THSD4: variants seen among roughly 807,000 people sequenced by gnomAD.
The protein encoded by THSD4 is thrombospondin type-1 domain-containing protein 4.
THSD4 carries 69 observed loss-of-function variants against 119.0 expected under a neutral mutation model. The observed-to-expected ratio is 0.58, with a 90% CI of 0.48 to 0.71. THSD4 has a LOEUF of 0.71. Among genes scored for constraint, THSD4 ranks in the 30% least tolerant of loss-of-function variants. THSD4 has a pLI of 0.00. For synonymous variants in THSD4, 524 were observed against 540.4 expected (o/e 0.97, Z 0.42); for missense variants, 1,393 against 1,391.1 (o/e 1.00, Z -0.02).
chr15:71,363,438 CGT>C (rs2045919938), intron 6 of THSD4, among the ~76,000 whole-genome samples: 1 of 152,010 alleles, frequency 6.6e-6, no homozygotes. Flanking sequence ...TGTGTGTACG[CGT>C]GTGTGTGTTT....
At chr15:71,492,598 T>C (rs534242439) in intron 7 of THSD4, among the ~76,000 whole-genome samples, 5 of 152,228 alleles carry the variant, frequency 3.3e-5, no homozygotes, top group African/African-American at 1.2e-4. Context: ...CCATGAAGCA[T>C]ATTTGTAAGA....
At chr15:71,398,322 G>A (rs942806790) in intron 6 of THSD4, among the ~76,000 whole-genome samples, 1 of 152,140 alleles carries the variant, frequency 6.6e-6, no homozygotes, top group African/African-American at 2.4e-5. Context: ...TGGTGGGAAA[G>A]GAGGAGTATA....
At chr15:71,231,768 G>A (rs553227981) in intron 4 of THSD4, among the ~76,000 whole-genome samples, 2 of 152,204 alleles carry the variant, frequency 1.3e-5, no homozygotes, top group East Asian at 1.9e-4. Context: ...GGAAGCTTTC[G>A]TTTTCATCTT....
At chr15:71,375,344 G>A (rs1333152465) in intron 6 of THSD4, among the ~76,000 whole-genome samples, 1 of 152,136 alleles carries the variant, frequency 6.6e-6, no homozygotes, top group Admixed American at 6.5e-5. Context: ...CCTCATTGGT[G>A]CTTTCCTCTG....
intron 7 of THSD4, among the ~76,000 whole-genome samples, chr15:71,439,035 G>A (rs1172146803): frequency 6.6e-6 from 1 of 152,240 alleles, no homozygotes; most frequent in East Asian, 1.9e-4. Context: ...GGACAGTTGA[G>A]GGAAAGTATT....
At chr15:71,114,648 G>T (rs1779655238), upstream of THSD4, among the ~76,000 whole-genome samples, 1 of 152,110 alleles carries the variant, frequency 6.6e-6, no homozygotes, top group Admixed American at 6.5e-5. Context: ...GCGTCACTTT[G>T]GTCATGCCCT....
intron 7 of THSD4, among the ~76,000 whole-genome samples, chr15:71,414,602 A>G (rs1397059809): frequency 6.6e-6 from 1 of 152,252 alleles, no homozygotes; most frequent in Non-Finnish European, 1.5e-5. Flanking sequence ...CTCGGAAGGA[A>G]TATGAAATGT....
rs1596358856 is a variant in THSD4 at position 71,351,704 on chromosome 15, C to T, written c.1016-59983C>T. Among the ~76,000 whole-genome samples the T allele has an allele frequency of 2.0e-5, 3 of 152,186 alleles. No homozygotes were observed. In the South Asian group the frequency reaches 6.2e-4, roughly 32 times the overall value. On this transcript the variant is annotated intron_variant, in intron 6 of 17. Coordinates refer to ENST00000261862, the MANE Select transcript of THSD4 (RefSeq NM_024817.3). ...GTCACCAGTGAGTGGAGATGGTGTT[C>T]GCGTGGCCTCTCTGCTGGGCTGGTG...
intron 6 of THSD4, among the ~76,000 whole-genome samples, chr15:71,272,067 A>T (rs2044536964): frequency 6.6e-6 from 1 of 152,200 alleles, no homozygotes; most frequent in African/African-American, 2.4e-5. Flanking sequence ...CAAAATATGC[A>T]AGAAACTGAA....
chr15:71,304,675 G>A (rs1184525639), intron 6 of THSD4, among the ~76,000 whole-genome samples: 1 of 152,126 alleles, frequency 6.6e-6, no homozygotes, highest in African/African-American at 2.4e-5. Context: ...TTTTGAAGAT[G>A]CCTAAAGGAG....
At chr15:71,576,165 C>T (rs2049445735) in intron 7 of THSD4, among the ~76,000 whole-genome samples, 1 of 151,976 alleles carries the variant, frequency 6.6e-6, no homozygotes, top group African/African-American at 2.4e-5. Flanking sequence ...ATGGAGCCCT[C>T]AAAATTCTTT....
intron 7 of THSD4, among the ~76,000 whole-genome samples, chr15:71,443,814 A>G (rs2047143539): frequency 6.6e-6 from 1 of 152,280 alleles, no homozygotes; most frequent in Non-Finnish European, 1.5e-5. Flanking sequence ...CACAATGGGA[A>G]AATAGAATTT....
intron 5 of THSD4, among the ~76,000 whole-genome samples, chr15:71,255,683 T>G (rs964421309): frequency 2.6e-5 from 4 of 152,140 alleles, no homozygotes; most frequent in Non-Finnish European, 5.9e-5. Flanking sequence ...GACAGCCTGG[T>G]GGGAACCAGG....
chr15:71,568,536 C>T (rs1368120416), intron 7 of THSD4, among the ~76,000 whole-genome samples: 4 of 149,094 alleles, frequency 2.7e-5, no homozygotes, highest in African/African-American at 9.8e-5. Context: ...GCCTCCAGAA[C>T]TTTTAATTGT....
At chr15:71,583,749 T>A (rs1379753480) in intron 7 of THSD4, among the ~76,000 whole-genome samples, 1 of 152,216 alleles carries the variant, frequency 6.6e-6, no homozygotes, top group Non-Finnish European at 1.5e-5. Flanking sequence ...TCTAGTTTCA[T>A]ACTATTTTGA....
intron 17 of THSD4, among the ~76,000 whole-genome samples, chr15:71,776,368 G>A (rs549094023): frequency 3.3e-5 from 5 of 152,254 alleles, no homozygotes; most frequent in Admixed American, 2.0e-4. Context: ...AAGAATTTTC[G>A]TGAATCATTT....
intron 10 of THSD4, among the ~76,000 whole-genome samples, chr15:71,735,993 T>TCTCACA (rs1400385650): frequency 6.7e-6 from 1 of 149,640 alleles, no homozygotes; most frequent in African/African-American, 2.5e-5. Flanking sequence ...TCTCTGTCCC[T>TCTCACA]CTCTGTCTCT....
chr15:71,303,762 C>T (rs2044984331), intron 6 of THSD4, among the ~76,000 whole-genome samples: 1 of 152,140 alleles, frequency 6.6e-6, no homozygotes. Flanking sequence ...TTAGTCATAG[C>T]CTATTGTAGT....
chr15:71,595,776 C>T (rs554452947), intron 7 of THSD4, among the ~76,000 whole-genome samples: 6 of 152,182 alleles, frequency 3.9e-5, no homozygotes, highest in Non-Finnish European at 7.3e-5. Context: ...GCTAGTTCAA[C>T]GCCCTCCATT....
Sources: gnomAD v4.1 joint callset for allele counts (sites outside exome capture counted in the v4.1 genomes callset) on GRCh38, gnomAD v4.1.1 for gene constraint, MANE v1.5 for transcripts, NCBI Gene and HGNC (gene_info 2026-07-23, HGNC 2026-07-21) for gene names.